PCLO: variants seen among roughly 807,000 people sequenced by gnomAD.
PCLO encodes piccolo presynaptic cytomatrix protein.
In PCLO, 82 loss-of-function variants were observed where a neutral mutation model predicts 427.5. The ratio of observed to expected loss-of-function variants is 0.19; its 90% CI spans 0.16 to 0.23. The LOEUF (loss-of-function observed/expected upper bound fraction) is 0.23, where lower values mean the gene tolerates loss of function less well. PCLO is among the 10% of genes least tolerant of loss of function. The pLI, the probability that PCLO is intolerant of heterozygous loss-of-function variation, is 1.00. For missense variants in PCLO, 6,239 were observed against 6,115.9 expected (o/e 1.02, Z -0.67); for synonymous variants, 2,357 against 2,155.4 (o/e 1.09, Z -2.59).
chr7:82,819,935 T>C (rs1250906414), intron 20 of PCLO, among the ~76,000 whole-genome samples: 1 of 152,176 alleles, frequency 6.6e-6, no homozygotes, highest in African/African-American at 2.4e-5. Context: ...AAAAAAACAT[T>C]ATTTTAATAT....
chr7:82,787,491 C>T (rs1010922902), intron 22 of PCLO, among the ~76,000 whole-genome samples: 5 of 152,042 alleles, frequency 3.3e-5, no homozygotes, highest in South Asian at 2.1e-4. Flanking sequence ...TTTCCAGGAG[C>T]GTTTTAGTAG....
chr7:82,761,391 G>T lies in PCLO; in HGVS notation c.15110C>A (p.Thr5037Lys). ...IVEILQCRNITYKFKSPDHLP... is the reference protein window; with the variant it reads ...IVEILQCRNIKYKFKSPDHLP... ...ATGATCAGGAGACTTAAATTTGTAT[G>T]TAATATTTCTGCATTGGAGAATTTC... Residue 5037 changes from threonine to lysine, a missense_variant, in exon 23 of 25, where the codon ACA becomes AAA. This residue lies in a region of PCLO where 877 missense variants were observed against 925.5 expected (regional missense o/e 0.95). Transcript: ENST00000333891. 1 of 1,519,526 alleles carries T rather than the reference G, an allele frequency of 6.6e-7. No individual in the cohort carries two copies. Among genetic ancestry groups the T allele is most frequent in the Non-Finnish European group, 9.0e-7 (1 of 1,107,606 alleles). The allele number at this position is 1,519,526 out of a possible 1,614,324, so 94.1% of individuals were successfully genotyped here. A position where few individuals can be genotyped will look rare whatever the true frequency, so the allele number is the denominator to read the frequency against.
rs775595413 is a variant in PCLO at position 82,846,583 on chromosome 7, A to G, written c.13815T>C (p.His4605=). 2.5e-6 allele frequency: 4 copies of G among 1,607,974 alleles called. No homozygotes were observed. Among genetic ancestry groups the G allele is most frequent in the Admixed American group, 3.4e-5 (2 of 59,448 alleles). ...TTTACCTACCAGCTTTTGGTGGCTC[A>G]TGAAGTTCCAGATGCTGGGAATTTT... is the stretch of plus-strand genomic sequence containing the variant. ...DSENSQHLEL[H]EPPKAVDKAK... The change falls in exon 12 of 25, where the codon CAT becomes CAC. Residue 4605 remains histidine (H), a synonymous_variant. Transcript: ENST00000333891.
rs533123565 is a variant in PCLO at position 83,030,374 on chromosome 7, T to C, written c.3301-63887A>G. On this transcript the variant is annotated intron_variant, in intron 3 of 24. Coordinates refer to ENST00000333891, the MANE Select transcript of PCLO (RefSeq NM_033026.6). ...GGATTTCATCAAAATTAGAGGACAG[T>C]AGATATATTAGACATATATAACAGC... is the stretch of plus-strand genomic sequence containing the variant. Among the ~76,000 whole-genome samples the C allele has an allele frequency of 2.6e-5, 4 of 152,180 alleles. No individual in the cohort carries two copies. The South Asian group carries it at 6.2e-4, about 24-fold the overall frequency.
chr7:82,983,865 G>C (rs887394967), intron 3 of PCLO, among the ~76,000 whole-genome samples: 9 of 151,892 alleles, frequency 5.9e-5, no homozygotes, highest in Non-Finnish European at 1.2e-4. Flanking sequence ...CTAAGAACAA[G>C]TGAAGATGTT....
chr7:83,030,099 C>A (rs1788622597), intron 3 of PCLO, among the ~76,000 whole-genome samples: 1 of 122,552 alleles, frequency 8.2e-6, no homozygotes, highest in Admixed American at 8.4e-5. Flanking sequence ...TACCCTAAAA[C>A]TTAAAGTATA....
chr7:83,117,722 A>G (rs2116548208), intron 3 of PCLO, among the ~76,000 whole-genome samples: 1 of 152,334 alleles, frequency 6.6e-6, no homozygotes, highest in South Asian at 2.1e-4. Flanking sequence ...AAATATGCTG[A>G]TGCTCAGGCT....
chr7:83,017,643 A>G (rs1017791692), intron 3 of PCLO, among the ~76,000 whole-genome samples: 2 of 152,050 alleles, frequency 1.3e-5, no homozygotes, highest in Non-Finnish European at 1.5e-5. Flanking sequence ...TGTATATTAC[A>G]TATACAGCTA....
intron 3 of PCLO, among the ~76,000 whole-genome samples, chr7:83,074,883 T>C (rs2116370739): frequency 6.6e-6 from 1 of 152,282 alleles, no homozygotes; most frequent in African/African-American, 2.4e-5. Flanking sequence ...TTCTTTAGGT[T>C]TTATAGCCTG....
intron 10 of PCLO, among the ~76,000 whole-genome samples, chr7:82,859,170 G>C (rs926110007): frequency 1.5e-5 from 2 of 129,120 alleles, no homozygotes; most frequent in Admixed American, 8.2e-5. Context: ...CCTGGGGCCT[G>C]GTGGACCTCA....
Position 82,835,707 on chromosome 7 carries a change from A to C in PCLO, c.14223-14T>G. 6.2e-7 allele frequency: 1 copy of C among 1,606,954 alleles called. No homozygotes were observed. The highest frequency in any genetic ancestry group is 8.5e-7 in the Non-Finnish European group (1 of 1,175,540). ...ACCATGACTTGACTGCATTGATTCC[A>C]AGAGCGAGAGTGAAGGGGTAAAACA... On this transcript the variant is annotated splice_polypyrimidine_tract_variant and intron_variant, in intron 15 of 24. Coordinates refer to ENST00000333891, the MANE Select transcript of PCLO (RefSeq NM_033026.6).
At chr7:82,975,833 TAAAAGTG>T (rs943039382) in intron 3 of PCLO, among the ~76,000 whole-genome samples, 3 of 152,134 alleles carry the variant, frequency 2.0e-5, no homozygotes, top group Non-Finnish European at 4.4e-5. Context: ...CCTGATGGTT[TAAAAGTG>T]GCAGTTTCCC....
chr7:82,839,962 G>A (rs1792326259), intron 14 of PCLO, among the ~76,000 whole-genome samples: 1 of 151,760 alleles, frequency 6.6e-6, no homozygotes, highest in Non-Finnish European at 1.5e-5. Flanking sequence ...AATTAAGAAG[G>A]AATAATAGTA....
At chr7:82,951,682 T>G (rs1795353333) in intron 5 of PCLO, among the ~76,000 whole-genome samples, 174 bp downstream of exon 5, 1 of 152,182 alleles carries the variant, frequency 6.6e-6, no homozygotes, top group African/African-American at 2.4e-5. Flanking sequence ...GAACAAATTT[T>G]TTTTAAAATG....
intron 9 of PCLO, among the ~76,000 whole-genome samples, chr7:82,888,270 T>C (rs377526516): frequency 2.0e-5 from 3 of 152,154 alleles, no homozygotes; most frequent in South Asian, 2.1e-4. Context: ...TACTTTCTTT[T>C]GGTCTTCCAC....
chr7:82,940,157 T>G (rs561024283), intron 6 of PCLO, among the ~76,000 whole-genome samples: 1 of 152,344 alleles, frequency 6.6e-6, no homozygotes, highest in Non-Finnish European at 1.5e-5. Flanking sequence ...CAATGAAATC[T>G]GAGCTTGTTG....
At chr7:82,825,751 T>C (rs1791921625) in intron 18 of PCLO, among the ~76,000 whole-genome samples, 1 of 126,824 alleles carries the variant, frequency 7.9e-6, no homozygotes, top group South Asian at 3.1e-4. Flanking sequence ...ACATTGTATA[T>C]AGACATATAT....
At chr7:83,118,401 T>C (rs1791186675) in intron 3 of PCLO, among the ~76,000 whole-genome samples, 2 of 151,992 alleles carry the variant, frequency 1.3e-5, no homozygotes, top group African/African-American at 2.4e-5. Flanking sequence ...TGAGCAATAA[T>C]AGTACCTGAT....
intron 20 of PCLO, among the ~76,000 whole-genome samples, chr7:82,813,117 A>C (rs998265258): frequency 4.6e-5 from 7 of 151,782 alleles, no homozygotes; most frequent in Non-Finnish European, 7.4e-5. Flanking sequence ...AATTTTGCCC[A>C]AATGAAAAAG....
Sources: gnomAD v4.1 joint callset for allele counts (sites outside exome capture counted in the v4.1 genomes callset) on GRCh38, gnomAD v4.1.1 for gene constraint, gnomAD v4.1.1 regional missense constraint, MANE v1.5 for transcripts, NCBI Gene and HGNC (gene_info 2026-07-23, HGNC 2026-07-21) for gene names.